Variants in DTNB observed in about 807,000 individuals in gnomAD.
DTNB encodes DTN-B.
DTNB carries 63 observed loss-of-function variants against 90.7 expected under a neutral mutation model. That is an observed-to-expected ratio of 0.69 (90% CI 0.57 to 0.86). DTNB has a LOEUF of 0.86. DTNB is among the 40% of genes least tolerant of loss of function. The pLI, the probability that DTNB is intolerant of heterozygous loss-of-function variation, is 0.00. For synonymous variants in DTNB, 277 were observed against 286.7 expected, an observed-to-expected ratio of 0.97 and a Z score of 0.34; for missense variants, 744 against 807.1, an observed-to-expected ratio of 0.92 and a Z score of 0.95.
intron 3 of DTNB, among the ~76,000 whole-genome samples, chr2:25,635,079 G>T (rs71439186): frequency 0.46 from 64,215 of 140,016 alleles, 14,897 homozygotes; most frequent in East Asian, 0.75. Context: ...AATAAAAAAA[G>T]AAAAAAAAAA....
At chr2:25,634,019 C>T (rs991147125) in intron 3 of DTNB, among the ~76,000 whole-genome samples, 3 of 152,028 alleles carry the variant, frequency 2.0e-5, no homozygotes, top group African/African-American at 4.8e-5. Context: ...CGCCCGGCAG[C>T]CACCCCGTCT....
chr2:25,619,356 A>G (rs2071772648), intron 4 of DTNB, among the ~76,000 whole-genome samples: 1 of 152,244 alleles, frequency 6.6e-6, no homozygotes, highest in African/African-American at 2.4e-5. Context: ...CATTCTGCCA[A>G]TTAATCTTAA....
At chr2:25,519,387 T>C (rs1033015105) in intron 9 of DTNB, among the ~76,000 whole-genome samples, 1 of 149,094 alleles carries the variant, frequency 6.7e-6, no homozygotes, top group Non-Finnish European at 1.5e-5. Context: ...TTTTTTTTTT[T>C]ACTTTTGTTT....
chr2:25,498,663 T>C (rs542892534), intron 9 of DTNB, among the ~76,000 whole-genome samples: 2 of 151,308 alleles, frequency 1.3e-5, no homozygotes, highest in South Asian at 2.1e-4. Flanking sequence ...CTGGGCAACA[T>C]GGTGAAACCT....
chr2:25,662,681 A>ACACAAACAC (rs35419647), intron 1 of DTNB, among the ~76,000 whole-genome samples: 1,769 of 104,458 alleles, frequency 0.017, 24 homozygotes, highest in South Asian at 0.077. Context: ...CACACACACA[A>ACACAAACAC]ACACACACAC....
At chr2:25,436,023 G>C (rs911998853) in intron 12 of DTNB, among the ~76,000 whole-genome samples, 1 of 152,100 alleles carries the variant, frequency 6.6e-6, no homozygotes, top group African/African-American at 2.4e-5. Context: ...TGATATTTCT[G>C]ACCCTTGTTA....
intron 6 of DTNB, among the ~76,000 whole-genome samples, chr2:25,587,616 G>A (rs149079379): frequency 1.3e-5 from 2 of 152,260 alleles, no homozygotes; most frequent in South Asian, 2.1e-4. Flanking sequence ...CCTAGAGCAT[G>A]TGGACAGCAA....
intron 4 of DTNB, among the ~76,000 whole-genome samples, chr2:25,607,785 G>A (rs1470422135): frequency 6.6e-6 from 1 of 152,144 alleles, no homozygotes; most frequent in Non-Finnish European, 1.5e-5. Context: ...AGATTTTATA[G>A]TACATTCATC....
intron 12 of DTNB, among the ~76,000 whole-genome samples, chr2:25,442,296 T>C (rs1035840625): frequency 1.3e-5 from 2 of 152,220 alleles, no homozygotes; most frequent in Non-Finnish European, 2.9e-5. Flanking sequence ...AAGGGTCACA[T>C]CTAACATGGC....
In DTNB at chr2:25,515,247, A is replaced by C. The variant is rs144834250; in HGVS notation, c.1001+16226T>G. Among the ~76,000 whole-genome samples, 15 of 152,358 alleles carry C rather than the reference A, an allele frequency of 9.8e-5. No individual in the cohort carries two copies. The East Asian group carries it at 2.9e-3, about 29-fold the overall frequency. On this transcript the variant is annotated intron_variant, in intron 9 of 20. Coordinates refer to ENST00000406818, the MANE Select transcript of DTNB (RefSeq NM_021907.5). ...AGAGGAGAATTGCTCAACAGATTTA[A>C]TAGAATCCCTATCAAAATCTTTTGT...
intron 4 of DTNB, among the ~76,000 whole-genome samples, chr2:25,624,485 G>T (rs573698683): frequency 5.3e-5 from 8 of 152,156 alleles, no homozygotes; most frequent in Admixed American, 2.6e-4. Context: ...TACAAGAAGG[G>T]GGCAAAGCCG....
intron 5 of DTNB, among the ~76,000 whole-genome samples, chr2:25,600,303 T>C (rs1224198214): frequency 2.6e-5 from 4 of 152,242 alleles, no homozygotes; most frequent in African/African-American, 2.4e-5. Context: ...CCTTTGCACA[T>C]TGCAATGCTG....
rs140299469 is a variant in DTNB, at chr2:25,523,528, C to T, written c.1001+7945G>A. On this transcript the variant is annotated intron_variant, in intron 9 of 20. Coordinates refer to ENST00000406818, the MANE Select transcript of DTNB (RefSeq NM_021907.5). ...TGGTGGCACGCACTTGTAGTCCTAG[C>T]TACTCAGGAGGCTGAGGCATGAGAA... 4.0e-4 allele frequency among the ~76,000 whole-genome samples: 61 copies of T among 151,588 alleles called. 1 individual carries two copies. The East Asian group carries it at 0.012, about 29-fold the overall frequency.
chr2:25,665,057 T>C (rs532872094), intron 1 of DTNB, among the ~76,000 whole-genome samples: 1 of 152,236 alleles, frequency 6.6e-6, no homozygotes, highest in Admixed American at 6.5e-5. Context: ...AAATAGAGTG[T>C]TTCACACCTG....
chr2:25,532,133 C>G (rs2078327517), intron 8 of DTNB, among the ~76,000 whole-genome samples: 1 of 151,052 alleles, frequency 6.6e-6, no homozygotes, highest in Non-Finnish European at 1.5e-5. Context: ...GTAATCCGTG[C>G]TACATGGGAA....
At chr2:25,479,396 A>G (rs2064443666) in intron 10 of DTNB, among the ~76,000 whole-genome samples, 1 of 152,164 alleles carries the variant, frequency 6.6e-6, no homozygotes, top group Non-Finnish European at 1.5e-5. Context: ...GGGGAGGGGT[A>G]TTTTAAGCCT....
intron 8 of DTNB, among the ~76,000 whole-genome samples, chr2:25,572,467 CAA>C (rs373866980): frequency 1.7e-4 from 17 of 102,176 alleles, no homozygotes; most frequent in Admixed American, 3.1e-4. Context: ...ACTCCATCGC[CAA>C]AAAAAAAAAA....
At chr2:25,589,876 G>A (rs1171523022) in intron 6 of DTNB, among the ~76,000 whole-genome samples, 1 of 152,176 alleles carries the variant, frequency 6.6e-6, no homozygotes, top group African/African-American at 2.4e-5. Flanking sequence ...CTCGGCTCAC[G>A]CTACCAGCCT....
intron 7 of DTNB, among the ~76,000 whole-genome samples, chr2:25,577,915 G>A (rs1338608898): frequency 2.6e-5 from 4 of 152,106 alleles, no homozygotes; most frequent in Non-Finnish European, 2.9e-5. Flanking sequence ...CTGGAGAATC[G>A]CTTGAACCTG....
Sources: gnomAD v4.1 joint callset for allele counts (sites outside exome capture counted in the v4.1 genomes callset) on GRCh38, gnomAD v4.1.1 for gene constraint, MANE v1.5 for transcripts, NCBI Gene and HGNC (gene_info 2026-07-23, HGNC 2026-07-21) for gene names.